Variants in FFAR4 observed in about 807,000 individuals in gnomAD.
FFAR4 encodes the protein G-protein coupled receptor 120.
In FFAR4, 19 loss-of-function variants were observed where a neutral mutation model predicts 27.0. The ratio of observed to expected loss-of-function variants is 0.70; its 90% CI spans 0.49 to 1.03. The LOEUF is 1.03. Ranked by LOEUF, FFAR4 falls within the 50% of genes least tolerant of loss-of-function variation. The pLI is 0.00. For synonymous variants in FFAR4, 254 were observed against 215.6 expected, an observed-to-expected ratio of 1.18 and a Z score of -1.56; for missense variants, 476 against 479.0, an observed-to-expected ratio of 0.99 and a Z score of 0.06.
chr10:93,576,191 T>C lies in FFAR4; in HGVS notation c.668T>C (p.Ile223Thr), dbSNP rs2058162996. Residue 223 changes from isoleucine to threonine, a missense_variant, in exon 2 of 3, where the codon ATT (isoleucine) becomes ACT (threonine). Ile to Thr is a moderately conservative substitution (Grantham distance 89). Coordinates refer to ENST00000371481, the MANE Select transcript of FFAR4 (RefSeq NM_001195755.2). Reference sequence around the variant, plus strand: ...AACTTCTTGGTGCCAGGACTGGTCATTGTGATCAGTTACTCCAAAATTTTA... The same window carrying C: ...AACTTCTTGGTGCCAGGACTGGTCACTGTGATCAGTTACTCCAAAATTTTA... ...TLNFLVPGLVIVISYSKILQI... is the reference protein window; with the variant it reads ...TLNFLVPGLVTVISYSKILQI... 3.1e-6 allele frequency: 5 copies of C among 1,614,046 alleles called. No individual in the cohort carries two copies. The highest frequency in any genetic ancestry group is 1.6e-4 in the Middle Eastern group (1 of 6,062).
chr10:93,580,611 T>G (rs1289899153), intron 2 of FFAR4, among the ~76,000 whole-genome samples: 1 of 152,202 alleles, frequency 6.6e-6, no homozygotes, highest in Non-Finnish European at 1.5e-5. Flanking sequence ...GTATCATTGC[T>G]AAACGTGACT....
At chr10:93,567,692 A>G (rs1331824642) in intron 1 of FFAR4, among the ~76,000 whole-genome samples, 4 of 152,202 alleles carry the variant, frequency 2.6e-5, no homozygotes, top group Non-Finnish European at 1.5e-5. Context: ...ACCGAAGTGT[A>G]TAATAACTTG....
chr10:93,576,610 T>C (rs2058165558), intron 2 of FFAR4, among the ~76,000 whole-genome samples: 1 of 152,212 alleles, frequency 6.6e-6, no homozygotes, highest in Non-Finnish European at 1.5e-5. Context: ...CATATGAAAT[T>C]GCAGGTTAAA....
chr10:93,589,861 G>C lies in FFAR4; in HGVS notation c.*2252G>C, dbSNP rs1431491945. On this transcript the variant is annotated 3_prime_UTR_variant, in exon 3 of 3. Coordinates refer to ENST00000371481, the MANE Select transcript of FFAR4 (RefSeq NM_001195755.2). The stretch of plus-strand genomic sequence containing the variant: ...GCTGGGCCAGTGGCTGGAATGCACA[G>C]CAGCACGGGGCCTGGTGTATAGTAG... 2 of 152,206 alleles carry C rather than the reference G, an allele frequency of 1.3e-5. No individual in the cohort carries two copies. Among genetic ancestry groups the C allele is most frequent in the Admixed American group, 1.3e-4 (2 of 15,286 alleles). 9.4% of individuals were successfully genotyped at this position (152,206 alleles called of 1,614,324 possible).
intron 2 of FFAR4, among the ~76,000 whole-genome samples, chr10:93,582,423 A>T (rs1463234642): frequency 6.6e-6 from 1 of 151,848 alleles, no homozygotes; most frequent in Admixed American, 6.6e-5. Flanking sequence ...GCATGCCTGT[A>T]ATCCCAGCTA....
intron 1 of FFAR4, among the ~76,000 whole-genome samples, chr10:93,574,996 C>G (rs1483685653): frequency 6.6e-6 from 1 of 152,182 alleles, no homozygotes; most frequent in Non-Finnish European, 1.5e-5. Context: ...CCAGCCCAGT[C>G]TTGATTCACT....
At chr10:93,574,290 A>C (rs993906552) in intron 1 of FFAR4, among the ~76,000 whole-genome samples, 1 of 152,194 alleles carries the variant, frequency 6.6e-6, no homozygotes, top group Non-Finnish European at 1.5e-5. Flanking sequence ...TTTGGCAGAC[A>C]TTCTGGAAAA....
intron 1 of FFAR4, among the ~76,000 whole-genome samples, chr10:93,567,572 A>C (rs2058106478): frequency 6.6e-6 from 1 of 152,194 alleles, no homozygotes; most frequent in South Asian, 2.1e-4. Context: ...GCGAGACGGA[A>C]CTTTGGGGGT....
chr10:93,585,300 A>T (rs1485416363), intron 2 of FFAR4, among the ~76,000 whole-genome samples: 1 of 152,168 alleles, frequency 6.6e-6, no homozygotes, highest in Non-Finnish European at 1.5e-5. Flanking sequence ...TATTCTACTG[A>T]CATGCTCACC....
chr10:93,569,435 GC>G lies in FFAR4; in HGVS notation c.567+2150del, dbSNP rs1180015607. ...TGAGAAGGCCTTGGCATAGGCAGGG[GC>G]CTTCCATGTCTTGGCCACTTAGTAC... On this transcript the variant is annotated intron_variant, in intron 1 of 2. Transcript: ENST00000371481. Among the ~76,000 whole-genome samples the G allele has an allele frequency of 4.3e-4, 65 of 152,172 alleles. 1 individual carries two copies. Among genetic ancestry groups the G allele is most frequent in the Admixed American group, 4.2e-3 (64 of 15,278 alleles).
At chr10:93,583,041 G>A (rs542867039) in intron 2 of FFAR4, among the ~76,000 whole-genome samples, 155 of 152,000 alleles carry the variant, frequency 1.0e-3, no homozygotes, top group Non-Finnish European at 1.7e-3. Context: ...TGGGGATTAC[G>A]GGAATTACAA....
At position 93,587,502 on chromosome 10, in the gene FFAR4, A is replaced by G. The variant is rs1014526839; in HGVS notation, c.979A>G (p.Arg327Gly). The change falls in exon 3 of 3, where the codon AGG becomes GGG. Residue 327 changes from arginine (R) to glycine (G), a missense_variant. By Grantham distance (125) the Arg-to-Gly change is moderately radical. Transcript: ENST00000371481. ...NPILYNMTLC[R>G]NEWKKIFCCF... ...CATCCTCTACAACATGACACTGTGC[A>G]GGAATGAGTGGAAGAAAATTTTTTG... The G allele has an allele frequency of 1.2e-6, 2 of 1,614,022 alleles. No homozygotes were observed. The highest frequency in any genetic ancestry group is 1.3e-5 in the African/African-American group (1 of 74,910).
In FFAR4 at chr10:93,567,214, A is replaced by C; in HGVS notation, c.494A>C (p.Tyr165Ser). 1 of 1,602,108 alleles carries C rather than the reference A, an allele frequency of 6.2e-7. No individual in the cohort carries two copies. Among genetic ancestry groups the C allele is most frequent in the South Asian group, 1.1e-5 (1 of 90,940 alleles). ...RAVLLALIWG[Y>S]SAVAALPLCV... ...GTGCTGCTGGCGCTCATCTGGGGCT[A>C]TTCGGCGGTCGCCGCTCTGCCTCTC... is the stretch of plus-strand genomic sequence containing the variant. Residue 165 changes from tyrosine (Y) to serine (S), a missense_variant, in exon 1 of 3, where the codon TAT becomes TCT. Physicochemically the swap from Tyr to Ser is moderately radical, Grantham distance 144 (BLOSUM62 -2). Coordinates refer to ENST00000371481, the MANE Select transcript of FFAR4 (RefSeq NM_001195755.2).
In FFAR4 at chr10:93,588,459, TGA is replaced by T. The variant is rs1379637971; in HGVS notation, c.*857_*858del. ...TTTTAAGAGAATCGGCATCATGAAA[TGA>T]GAGAGAAAGTAGGATGGCTCTGAAA... is the stretch of plus-strand genomic sequence containing the variant. On this transcript the variant is annotated 3_prime_UTR_variant, in exon 3 of 3. Transcript: ENST00000371481. 1 of 151,650 alleles carries T rather than the reference TGA, an allele frequency of 6.6e-6. No homozygotes were observed. Among genetic ancestry groups the T allele is most frequent in the Non-Finnish European group, 1.5e-5 (1 of 67,956 alleles). 9.4% of individuals were successfully genotyped at this position (151,650 alleles called of 1,614,324 possible). A position where few individuals can be genotyped will look rare whatever the true frequency, so the allele number is the denominator to read the frequency against.
At chr10:93,567,496 T>C (rs1222806022) in intron 1 of FFAR4, among the ~76,000 whole-genome samples, 2 of 152,222 alleles carry the variant, frequency 1.3e-5, no homozygotes, top group Non-Finnish European at 2.9e-5. Flanking sequence ...ATGATGTAAG[T>C]GGAGTCCCCC....
chr10:93,581,684 C>A (rs184740777), intron 2 of FFAR4, among the ~76,000 whole-genome samples: 1 of 152,122 alleles, frequency 6.6e-6, no homozygotes, highest in African/African-American at 2.4e-5. Flanking sequence ...TGAGCAGCTG[C>A]GACACTTCAG....
chr10:93,587,421 C>T lies in FFAR4; in HGVS notation c.898C>T (p.Pro300Ser). 1 of 1,614,104 alleles carries T rather than the reference C, an allele frequency of 6.2e-7. No individual in the cohort carries two copies. The highest frequency in any genetic ancestry group is 1.1e-5 in the South Asian group (1 of 91,058). The change falls in exon 3 of 3, where the codon CCG becomes TCG. Residue 300 changes from proline to serine, a missense_variant. Pro to Ser is a moderately conservative substitution (Grantham distance 74). Coordinates refer to ENST00000371481, the MANE Select transcript of FFAR4 (RefSeq NM_001195755.2). ...QNFKQDLVIW[P>S]SLFFWVVAFT... The stretch of plus-strand genomic sequence containing the variant: ...CTTCAAGCAAGACCTGGTCATCTGG[C>T]CGTCCCTCTTCTTCTGGGTGGTGGC...
intron 2 of FFAR4, among the ~76,000 whole-genome samples, chr10:93,585,388 G>A (rs950560869): frequency 6.6e-6 from 1 of 152,200 alleles, no homozygotes; most frequent in East Asian, 1.9e-4. Flanking sequence ...ATGTAAAATG[G>A]TCATTTTCCA....
At chr10:93,578,347 G>A (rs1170083751) in intron 2 of FFAR4, among the ~76,000 whole-genome samples, 2 of 141,834 alleles carry the variant, frequency 1.4e-5, no homozygotes, top group Non-Finnish European at 3.0e-5. Flanking sequence ...AACCCAGGAA[G>A]AGGAGGTTGC....
Sources: allele counts gnomAD v4.1 joint callset (sites outside exome capture counted in the v4.1 genomes callset), GRCh38; gene constraint gnomAD v4.1.1; transcripts MANE v1.5; gene names NCBI Gene and HGNC (gene_info 2026-07-23, HGNC 2026-07-21).